CNTNAP5: variants seen among roughly 807,000 people sequenced by gnomAD.
The protein encoded by CNTNAP5 is contactin-associated protein-like 5.
A neutral mutation model predicts 150.2 loss-of-function variants in CNTNAP5; 72 were observed. The ratio of observed to expected loss-of-function variants is 0.48; its 90% CI spans 0.40 to 0.58. The LOEUF (loss-of-function observed/expected upper bound fraction) is 0.58. Ranked by LOEUF, CNTNAP5 falls within the 20% of genes least tolerant of loss-of-function variation. CNTNAP5 has a pLI of 0.00. For missense variants in CNTNAP5, 1,636 were observed against 1,626.2 expected, an observed-to-expected ratio of 1.01 and a Z score of -0.10; for synonymous variants, 672 against 619.8, an observed-to-expected ratio of 1.08 and a Z score of -1.25.
Position 124,474,880 on chromosome 2 carries a change from G to GA in CNTNAP5, c.1060_1061insA (p.Val354AspfsTer35). The GA allele has an allele frequency of 1.3e-6, 2 of 1,594,954 alleles. No individual in the cohort carries two copies. Among genetic ancestry groups the GA allele is most frequent in the Non-Finnish European group, 1.7e-6 (2 of 1,174,110 alleles). On this transcript the variant is annotated frameshift_variant and splice_region_variant, in exon 7 of 24. Coordinates refer to ENST00000682447, the MANE Select transcript of CNTNAP5 (RefSeq NM_001367498.1). LOFTEE classifies it high-confidence loss of function. ...GAGACGAAAGCATCAGATCTATACT[G>GA]TGGTAAGTCAGCCCATCTGTTTTGT... is the stretch of plus-strand genomic sequence containing the variant.
intron 13 of CNTNAP5, among the ~76,000 whole-genome samples, chr2:124,702,372 TTTTTTTTTTTTTTTTTTTTTTTTTG>T (rs1679541609): frequency 4.2e-5 from 3 of 71,870 alleles, no homozygotes; most frequent in Admixed American, 2.4e-4. Flanking sequence ...TTTTTTTTTT[TTTTTTTTTTTTTTTTTTTTTTTTTG>T]CTAGTGAAGA....
chr2:124,237,582 C>T (rs796834150), intron 2 of CNTNAP5, among the ~76,000 whole-genome samples: 45 of 152,158 alleles, frequency 3.0e-4, no homozygotes, highest in African/African-American at 1.1e-3. Flanking sequence ...ACCTGTAATC[C>T]CAGCACTCAG....
intron 13 of CNTNAP5, among the ~76,000 whole-genome samples, chr2:124,723,647 CAGGATCA>C (rs1435165577): frequency 6.6e-6 from 1 of 152,062 alleles, no homozygotes; most frequent in Non-Finnish European, 1.5e-5. Context: ...GTTAGAGGTC[CAGGATCA>C]AGGTGTCAGC....
chr2:124,301,012 T>C (rs953450279), intron 3 of CNTNAP5, among the ~76,000 whole-genome samples: 2 of 152,206 alleles, frequency 1.3e-5, no homozygotes, highest in African/African-American at 2.4e-5. Context: ...AAACATGGTA[T>C]GCTTTTAAAC....
chr2:124,684,421 T>C (rs985505385), intron 13 of CNTNAP5, among the ~76,000 whole-genome samples: 17 of 152,236 alleles, frequency 1.1e-4, no homozygotes, highest in African/African-American at 4.1e-4. Flanking sequence ...TATTGAACAC[T>C]AGCTGTGCTG....
chr2:124,901,412 T>C (rs753252209), intron 21 of CNTNAP5, among the ~76,000 whole-genome samples: 3 of 147,286 alleles, frequency 2.0e-5, no homozygotes, highest in Non-Finnish European at 4.4e-5. Flanking sequence ...AAGAAGGAGA[T>C]AGAAGAGAAT....
At chr2:124,404,493 A>G (rs762960931) in intron 3 of CNTNAP5, among the ~76,000 whole-genome samples, 4 of 152,160 alleles carry the variant, frequency 2.6e-5, no homozygotes, top group Admixed American at 6.5e-5. Flanking sequence ...TCCCCATACC[A>G]TGACCTGCTT....
intron 19 of CNTNAP5, among the ~76,000 whole-genome samples, chr2:124,851,085 C>T (rs1341139891): frequency 6.6e-6 from 1 of 152,112 alleles, no homozygotes; most frequent in Non-Finnish European, 1.5e-5. Context: ...GAGTTGCAGG[C>T]CGGGCGCAAT....
chr2:124,774,040 C>T (rs1681267281), intron 17 of CNTNAP5, among the ~76,000 whole-genome samples: 1 of 150,812 alleles, frequency 6.6e-6, no homozygotes, highest in South Asian at 2.1e-4. Context: ...GCTTGTAAAG[C>T]TTTAAAGTAC....
At chr2:124,421,283 T>G (rs1012230069) in intron 4 of CNTNAP5, among the ~76,000 whole-genome samples, 1 of 152,188 alleles carries the variant, frequency 6.6e-6, no homozygotes, top group Non-Finnish European at 1.5e-5. Context: ...ATATATTAAA[T>G]AGAATATAGC....
At chr2:124,492,835 G>A (rs1283957905) in intron 7 of CNTNAP5, among the ~76,000 whole-genome samples, 4 of 59,934 alleles carry the variant, frequency 6.7e-5, no homozygotes, top group South Asian at 1.1e-3. Flanking sequence ...TGCAACTTTA[G>A]GAATTTATTT....
At chr2:124,714,103 G>A (rs1170814857) in intron 13 of CNTNAP5, among the ~76,000 whole-genome samples, 1 of 152,026 alleles carries the variant, frequency 6.6e-6, no homozygotes, top group Non-Finnish European at 1.5e-5. Flanking sequence ...TTCTGAGTTT[G>A]CTGAGCTTCA....
intron 1 of CNTNAP5, among the ~76,000 whole-genome samples, chr2:124,204,430 C>T (rs902784130): frequency 6.6e-6 from 1 of 152,176 alleles, no homozygotes; most frequent in Non-Finnish European, 1.5e-5. Flanking sequence ...ACTGTTCCAA[C>T]CTCTGCCAGT....
At chr2:124,477,017 T>C (rs893512772) in intron 7 of CNTNAP5, among the ~76,000 whole-genome samples, 10 of 152,156 alleles carry the variant, frequency 6.6e-5, no homozygotes, top group African/African-American at 2.4e-4. Context: ...GAGATTTTTA[T>C]ATATCCTTTA....
chr2:124,590,400 C>T (rs1321923197), intron 11 of CNTNAP5, among the ~76,000 whole-genome samples: 1 of 152,174 alleles, frequency 6.6e-6, no homozygotes, highest in Non-Finnish European at 1.5e-5. Context: ...TATGTGCAGA[C>T]TGGGACACCA....
intron 19 of CNTNAP5, among the ~76,000 whole-genome samples, chr2:124,810,349 G>T (rs940811106): frequency 5.3e-5 from 8 of 152,154 alleles, no homozygotes; most frequent in Non-Finnish European, 1.2e-4. Context: ...TCGTGTGGCT[G>T]TTGACAGGAG....
At chr2:124,372,688 C>CT (rs1041009692) in intron 3 of CNTNAP5, among the ~76,000 whole-genome samples, 1 of 151,948 alleles carries the variant, frequency 6.6e-6, no homozygotes, top group Non-Finnish European at 1.5e-5. Context: ...AGCCCTTAAG[C>CT]TTTTTTTACT....
chr2:124,688,028 ACC>A (rs1238749881), intron 13 of CNTNAP5, among the ~76,000 whole-genome samples: 2 of 152,024 alleles, frequency 1.3e-5, no homozygotes, highest in African/African-American at 2.4e-5. Context: ...CTAGGGTCAC[ACC>A]CCCTCCAGAC....
intron 8 of CNTNAP5, among the ~76,000 whole-genome samples, chr2:124,514,102 G>T (rs1409359759): frequency 6.6e-6 from 1 of 152,208 alleles, no homozygotes; most frequent in Non-Finnish European, 1.5e-5. Flanking sequence ...CAAGCTGTCT[G>T]GTTTGAGTTT....
Sources: allele counts gnomAD v4.1 joint callset (sites outside exome capture counted in the v4.1 genomes callset), GRCh38; gene constraint gnomAD v4.1.1; transcripts MANE v1.5; gene names NCBI Gene and HGNC (gene_info 2026-07-23, HGNC 2026-07-21).